Variants in MAP2 observed in about 807,000 individuals in gnomAD.
MAP2 encodes the protein microtubule associated protein 2, also known as microtubule-associated protein 2.
MAP2 carries 14 observed loss-of-function variants against 137.6 expected under a neutral mutation model. The ratio of observed to expected loss-of-function variants is 0.10; its 90% CI spans 0.07 to 0.16. The LOEUF (loss-of-function observed/expected upper bound fraction) is 0.16, where lower values mean the gene tolerates loss of function less well. Ranked by LOEUF, MAP2 falls within the 10% of genes least tolerant of loss-of-function variation. The pLI, the probability that MAP2 is intolerant of heterozygous loss-of-function variation, is 1.00. For missense variants in MAP2, 2,088 were observed against 2,191.5 expected, an observed-to-expected ratio of 0.95 and a Z score of 0.94; for synonymous variants, 786 against 782.3, an observed-to-expected ratio of 1.00 and a Z score of -0.08.
chr2:209,658,205 G>C (rs1219083899), intron 5 of MAP2, among the ~76,000 whole-genome samples: 3 of 152,024 alleles, frequency 2.0e-5, no homozygotes, highest in African/African-American at 7.2e-5. Context: ...TTTAGAAAAT[G>C]GAAAGTGACC....
chr2:209,515,134 T>TTTTC lies in MAP2; in HGVS notation c.-172+7502_-172+7505dup, dbSNP rs542723135. Among the ~76,000 whole-genome samples the TTTTC allele has an allele frequency of 3.7e-3, 559 of 152,278 alleles. 2 individuals are homozygous for TTTTC. Among genetic ancestry groups the TTTTC allele is most frequent in the African/African-American group, 0.013 (523 of 41,574 alleles). On this transcript the variant is annotated intron_variant, in intron 2 of 15. Transcript: ENST00000682079. ...ACTTTGTGTTGCTTTACAGTCTTCA[T>TTTTC]TTTCTTTCTTTCGACCATTTCAAAT...
chr2:209,546,344 A>AT lies in MAP2; in HGVS notation c.-171-33691dup, dbSNP rs150079246. On this transcript the variant is annotated intron_variant, in intron 2 of 15. Coordinates refer to ENST00000682079, the MANE Select transcript of MAP2 (RefSeq NM_001375505.1). ...ATTTATATGCAATGACACAAATTGT[A>AT]TGTTTGTGCATCTTAATGCTACATA... Among the ~76,000 whole-genome samples, 1,271 of 152,300 alleles carry AT rather than the reference A, an allele frequency of 8.3e-3. 19 individuals carry two copies. Among genetic ancestry groups the AT allele is most frequent in the African/African-American group, 0.03 (1,229 of 41,560 alleles).
intron 4 of MAP2, among the ~76,000 whole-genome samples, chr2:209,629,526 G>A (rs2092759387): frequency 6.6e-6 from 1 of 152,108 alleles, no homozygotes; most frequent in South Asian, 2.1e-4. Context: ...ACTTTGACTT[G>A]CACTGATTAC....
intron 2 of MAP2, among the ~76,000 whole-genome samples, chr2:209,529,946 A>G (rs1475197758): frequency 7.4e-6 from 1 of 135,360 alleles, no homozygotes; most frequent in African/African-American, 2.9e-5. Context: ...CAATAATTCT[A>G]TGAGTATTGA....
At chr2:209,566,999 A>G (rs1042064281) in intron 2 of MAP2, among the ~76,000 whole-genome samples, 4 of 152,200 alleles carry the variant, frequency 2.6e-5, no homozygotes, top group Non-Finnish European at 5.9e-5. Context: ...CTAATATGTC[A>G]TCTATATGCG....
intron 1 of MAP2, among the ~76,000 whole-genome samples, chr2:209,456,755 C>G (rs555688800): frequency 1.3e-5 from 2 of 152,320 alleles, no homozygotes; most frequent in East Asian, 3.9e-4. Flanking sequence ...TTAGGTCAGA[C>G]ATTAGCCTAT....
chr2:209,484,426 T>A (rs1008914372), intron 1 of MAP2, among the ~76,000 whole-genome samples: 23 of 152,092 alleles, frequency 1.5e-4, no homozygotes, highest in African/African-American at 5.6e-4. Context: ...GCGCAGTGGC[T>A]CACGCCCGTA....
At chr2:209,645,082 T>C (rs1438800800) in intron 4 of MAP2, among the ~76,000 whole-genome samples, 2 of 152,216 alleles carry the variant, frequency 1.3e-5, no homozygotes, top group African/African-American at 4.8e-5. Flanking sequence ...TCAGGGCATA[T>C]GTGCTCAGGA....
intron 3 of MAP2, among the ~76,000 whole-genome samples, chr2:209,614,891 TC>T (rs1003214036): frequency 6.6e-6 from 1 of 152,162 alleles, no homozygotes; most frequent in Non-Finnish European, 1.5e-5. Context: ...TGTAAACTCT[TC>T]CGCAAGACTC....
At chr2:209,619,081 A>G (rs2090383567) in intron 3 of MAP2, among the ~76,000 whole-genome samples, 1 of 152,198 alleles carries the variant, frequency 6.6e-6, no homozygotes, top group Non-Finnish European at 1.5e-5. Flanking sequence ...TTGATCTCAT[A>G]GAAGTAGAGA....
At chr2:209,721,195 A>G (rs1407633111) in intron 13 of MAP2, among the ~76,000 whole-genome samples, 1 of 152,194 alleles carries the variant, frequency 6.6e-6, no homozygotes, top group African/African-American at 2.4e-5. Context: ...GTAACTCTTC[A>G]TGAGCACTAA....
chr2:209,665,965 T>C (rs771458361), intron 5 of MAP2, among the ~76,000 whole-genome samples: 53 of 152,314 alleles, frequency 3.5e-4, no homozygotes, highest in Non-Finnish European at 4.7e-4. Context: ...AGGAAACTAA[T>C]AGTAGTAATA....
chr2:209,544,807 T>C (rs1329181453), intron 2 of MAP2, among the ~76,000 whole-genome samples: 1 of 152,176 alleles, frequency 6.6e-6, no homozygotes, highest in Non-Finnish European at 1.5e-5. Flanking sequence ...TTGTAAACCG[T>C]CAATATTTTT....
At chr2:209,612,211 A>T (rs757279254) in intron 3 of MAP2, among the ~76,000 whole-genome samples, 1 of 152,214 alleles carries the variant, frequency 6.6e-6, no homozygotes, top group Non-Finnish European at 1.5e-5. Flanking sequence ...GACCTTTACT[A>T]GAAAAGAGCT....
At chr2:209,509,343 T>C (rs2061455978) in intron 2 of MAP2, among the ~76,000 whole-genome samples, 2 of 151,988 alleles carry the variant, frequency 1.3e-5, no homozygotes, top group Non-Finnish European at 2.9e-5. Flanking sequence ...ATCGAGTGTG[T>C]TTGGTCAAGA....
intron 2 of MAP2, among the ~76,000 whole-genome samples, chr2:209,577,254 T>C (rs1195633042): frequency 2.6e-5 from 4 of 152,142 alleles, no homozygotes; most frequent in African/African-American, 7.2e-5. Context: ...AACCAGTATG[T>C]AGGATTCACT....
At chr2:209,429,903 G>T (rs1203684284) in intron 1 of MAP2, among the ~76,000 whole-genome samples, 3 of 151,902 alleles carry the variant, frequency 2.0e-5, no homozygotes, top group East Asian at 1.9e-4. Flanking sequence ...GAATAATATG[G>T]TATCATTTTG....
At chr2:209,623,167 CT>C (rs1171210363) in intron 3 of MAP2, among the ~76,000 whole-genome samples, 1 of 152,014 alleles carries the variant, frequency 6.6e-6, no homozygotes, top group Non-Finnish European at 1.5e-5. Context: ...ATGTTTTGAG[CT>C]TTGCAGGCCA....
In MAP2 at chr2:209,730,255, A is replaced by G. The variant is rs1472267695; in HGVS notation, c.5342A>G (p.Gln1781Arg). ...RVDHGAEIITQSPGRSSVASP... is the reference protein window; with the variant it reads ...RVDHGAEIITRSPGRSSVASP... ...GACCATGGGGCTGAGATCATTACAC[A>G]GTCCCCAGGCAGATCCAGCGTGGCA... is the stretch of plus-strand genomic sequence containing the variant. Residue 1781 changes from glutamine to arginine, a missense_variant, in exon 16 of 16, where the codon CAG (glutamine) becomes CGG (arginine). Gln to Arg is a conservative substitution (Grantham distance 43, BLOSUM62 1). Around this residue, in one of 6 missense-constraint regions of MAP2, gnomAD observed 112 missense variants for 201.0 expected, o/e 0.56. Coordinates refer to ENST00000682079, the MANE Select transcript of MAP2 (RefSeq NM_001375505.1). The G allele has an allele frequency of 6.2e-7, 1 of 1,614,104 alleles. No homozygotes were observed. The highest frequency in any genetic ancestry group is 1.1e-5 in the South Asian group (1 of 91,072).
Sources: allele counts gnomAD v4.1 joint callset (sites outside exome capture counted in the v4.1 genomes callset), GRCh38; gene constraint gnomAD v4.1.1; regional missense constraint gnomAD v4.1.1; transcripts MANE v1.5; gene names NCBI Gene and HGNC (gene_info 2026-07-23, HGNC 2026-07-21).